RSU1: variants seen among roughly 807,000 people sequenced by gnomAD.
The protein encoded by RSU1 is rsu-1.
Under a neutral mutation model 31.1 loss-of-function variants are expected in RSU1, and 26 were observed. The ratio of observed to expected loss-of-function variants is 0.84; its 90% confidence interval spans 0.61 to 1.16. The LOEUF (loss-of-function observed/expected upper bound fraction) is 1.16. Ranked by LOEUF, RSU1 falls within the 50% of genes most tolerant of loss-of-function variation. RSU1 has a pLI of 0.00. For missense variants in RSU1, 320 were observed against 339.1 expected (o/e 0.94, Z 0.44); for synonymous variants, 164 against 136.3 (o/e 1.20, Z -1.41).
intron 8 of RSU1, among the ~76,000 whole-genome samples, chr10:16,675,567 A>G (rs916473536): frequency 2.0e-5 from 3 of 152,230 alleles, no homozygotes; most frequent in African/African-American, 2.4e-5. Flanking sequence ...CGTCAGGAAG[A>G]GACAAGAAAA....
intron 8 of RSU1, among the ~76,000 whole-genome samples, chr10:16,604,177 A>G (rs1030420847): frequency 4.6e-5 from 7 of 152,200 alleles, no homozygotes; most frequent in Non-Finnish European, 1.0e-4. Context: ...ACTTGAACGT[A>G]TGGGGAAATA....
intron 2 of RSU1, among the ~76,000 whole-genome samples, chr10:16,797,704 A>G (rs1171298158): frequency 1.3e-5 from 2 of 152,174 alleles, no homozygotes; most frequent in Non-Finnish European, 2.9e-5. Context: ...TGATTTCCAA[A>G]AATTCAGCAA....
intron 8 of RSU1, among the ~76,000 whole-genome samples, chr10:16,662,937 G>C (rs1235678719): frequency 6.6e-6 from 1 of 151,080 alleles, no homozygotes; most frequent in African/African-American, 2.4e-5. Flanking sequence ...AACTGGCTGT[G>C]GTAATCATAA....
At chr10:16,664,878 T>A (rs1466783946) in intron 8 of RSU1, among the ~76,000 whole-genome samples, 2 of 152,204 alleles carry the variant, frequency 1.3e-5, no homozygotes, top group Non-Finnish European at 2.9e-5. Context: ...TATACTATTA[T>A]TAACACTGAC....
chr10:16,593,444 CATT>C lies in RSU1; in HGVS notation c.781_783del (p.Asn261del), dbSNP rs1833547231. The C allele has an allele frequency of 6.2e-7, 1 of 1,614,010 alleles. No homozygotes were observed. The highest frequency in any genetic ancestry group is 8.5e-7 in the Non-Finnish European group (1 of 1,179,998). On this transcript the variant is annotated inframe_deletion, in exon 9 of 9. Transcript: ENST00000345264. Reference sequence around the variant, plus strand: ...TTCCGGCTGATCTTTTTCGATTTGTCATTATTCTTCTTCGGTGGTTCTGGGTTG... The same window carrying C: ...TTCCGGCTGATCTTTTTCGATTTGTCATTCTTCTTCGGTGGTTCTGGGTTG...
intron 3 of RSU1, among the ~76,000 whole-genome samples, chr10:16,768,438 A>C (rs1170036749): frequency 4.6e-5 from 7 of 152,234 alleles, no homozygotes; most frequent in Non-Finnish European, 1.0e-4. Flanking sequence ...TGCCTAGCCA[A>C]AGATGGCTGC....
At chr10:16,638,480 G>A (rs546534672) in intron 8 of RSU1, among the ~76,000 whole-genome samples, 2 of 152,254 alleles carry the variant, frequency 1.3e-5, no homozygotes, top group African/African-American at 2.4e-5. Flanking sequence ...AAACTAGCAC[G>A]GCATCTGCTG....
intron 2 of RSU1, among the ~76,000 whole-genome samples, chr10:16,803,250 C>G (rs964905888): frequency 6.6e-5 from 10 of 152,194 alleles, no homozygotes; most frequent in African/African-American, 2.2e-4. Flanking sequence ...TAAAAACACA[C>G]CATTTACATT....
At chr10:16,715,274 T>C (rs568462899) in intron 7 of RSU1, among the ~76,000 whole-genome samples, 6 of 152,232 alleles carry the variant, frequency 3.9e-5, no homozygotes, top group African/African-American at 7.2e-5. Flanking sequence ...TGTGTTGATG[T>C]TGTCTTTTGA....
At chr10:16,642,798 C>T (rs751665151) in intron 8 of RSU1, among the ~76,000 whole-genome samples, 2 of 152,144 alleles carry the variant, frequency 1.3e-5, no homozygotes, top group Non-Finnish European at 2.9e-5. Flanking sequence ...CATACTTCTT[C>T]GCCAGTCTCA....
At chr10:16,772,931 G>T (rs1184976533) in intron 3 of RSU1, among the ~76,000 whole-genome samples, 1 of 152,168 alleles carries the variant, frequency 6.6e-6, no homozygotes, top group Admixed American at 6.5e-5. Context: ...TCTAGGCTGG[G>T]AGCAGTGGCT....
chr10:16,652,215 A>G (rs995445199), intron 8 of RSU1, among the ~76,000 whole-genome samples: 2 of 152,148 alleles, frequency 1.3e-5, no homozygotes, highest in East Asian at 3.9e-4. Context: ...GAGAGATGCT[A>G]GGAAGATAAT....
At chr10:16,779,683 G>C (rs1837610892) in intron 3 of RSU1, among the ~76,000 whole-genome samples, 1 of 152,140 alleles carries the variant, frequency 6.6e-6, no homozygotes, top group South Asian at 2.1e-4. Context: ...TTGTCAGCTG[G>C]TCCCTATTAA....
intron 3 of RSU1, among the ~76,000 whole-genome samples, chr10:16,773,206 A>T (rs746819254): frequency 1.3e-5 from 2 of 150,780 alleles, no homozygotes; most frequent in Non-Finnish European, 2.9e-5. Flanking sequence ...CTCAAAAAAA[A>T]AGAAAAAAAA....
chr10:16,669,010 T>G (rs1006253396), intron 8 of RSU1, among the ~76,000 whole-genome samples: 3 of 152,234 alleles, frequency 2.0e-5, no homozygotes, highest in Non-Finnish European at 4.4e-5. Context: ...ACTTTTCCTT[T>G]AATACTGTTG....
intron 2 of RSU1, among the ~76,000 whole-genome samples, chr10:16,787,594 A>G (rs1346236802): frequency 6.6e-6 from 1 of 152,170 alleles, no homozygotes; most frequent in Non-Finnish European, 1.5e-5. Flanking sequence ...GAGATAACTG[A>G]ATCATGGGGA....
intron 7 of RSU1, among the ~76,000 whole-genome samples, chr10:16,731,320 C>A (rs1198296211): frequency 6.6e-6 from 1 of 151,392 alleles, no homozygotes; most frequent in Non-Finnish European, 1.5e-5. Flanking sequence ...GTCCCAGCTA[C>A]TTGGGAGACT....
chr10:16,740,902 A>G (rs557857608), intron 7 of RSU1, among the ~76,000 whole-genome samples: 1 of 152,192 alleles, frequency 6.6e-6, no homozygotes, highest in Non-Finnish European at 1.5e-5. Flanking sequence ...ATAATCTACA[A>G]ATTCGGTGCA....
At chr10:16,748,082 T>A (rs1473902720) in intron 7 of RSU1, 1 of 152,256 alleles carries the variant, frequency 6.6e-6, no homozygotes, top group Non-Finnish European at 1.5e-5. Context: ...AACCCTTCAA[T>A]GTCTTCCCAT....
Sources: gnomAD v4.1 joint callset for allele counts (sites outside exome capture counted in the v4.1 genomes callset) on GRCh38, gnomAD v4.1.1 for gene constraint, MANE v1.5 for transcripts, NCBI Gene and HGNC (gene_info 2026-07-23, HGNC 2026-07-21) for gene names.